Variants in GTPBP1 observed in about 807,000 individuals in gnomAD.
GTPBP1 encodes the protein GTP-binding protein 1.
Under a neutral mutation model 62.0 loss-of-function variants are expected in GTPBP1, and 23 were observed. That is an observed-to-expected ratio of 0.37 (90% CI 0.27 to 0.53). The LOEUF (loss-of-function observed/expected upper bound fraction) is 0.53, where lower values mean the gene tolerates loss of function less well. Ranked by LOEUF, GTPBP1 falls within the 20% of genes least tolerant of loss-of-function variation. The pLI, the probability that GTPBP1 is intolerant of heterozygous loss-of-function variation, is 0.89. For missense variants in GTPBP1, 640 were observed against 917.3 expected (o/e 0.70, Z 3.90); for synonymous variants, 344 against 364.4 (o/e 0.94, Z 0.64).
chr22:38,741,862 C>G (rs2092860923), downstream of GTPBP1, among the ~76,000 whole-genome samples: 1 of 152,240 alleles, frequency 6.6e-6, no homozygotes, highest in Non-Finnish European at 1.5e-5. Context: ...GTGAGGAGGC[C>G]TGGCGTGGTG....
chr22:38,734,268 GT>G, downstream of GTPBP1: 1 of 465,380 alleles, frequency 2.1e-6, no homozygotes, highest in Non-Finnish European at 4.4e-6. Context: ...GTCAGGGCCT[GT>G]TTTTCTCCTA....
intron 10 of GTPBP1, 110 bp downstream of exon 10, chr22:38,728,271 C>T: frequency 2.6e-6 from 2 of 770,186 alleles, no homozygotes; most frequent in South Asian, 1.6e-5. Flanking sequence ...GAGAGCTGGA[C>T]CCACTGAGGT....
intron 6 of GTPBP1, 75 bp from the exon 7 acceptor site, chr22:38,725,930 CT>C (rs2092724251): frequency 7.1e-7 from 1 of 1,407,998 alleles, no homozygotes; most frequent in Non-Finnish European, 1.0e-6. Flanking sequence ...GTTGCTGCCC[CT>C]GGTCTGTGTC....
chr22:38,719,281 A>T (rs2092686958), intron 4 of GTPBP1, among the ~76,000 whole-genome samples: 1 of 152,208 alleles, frequency 6.6e-6, no homozygotes, highest in East Asian at 1.9e-4. Flanking sequence ...TGCTGAGATT[A>T]TAGGCGTGAG....
chr22:38,736,716 T>G, downstream of GTPBP1: 1 of 200,020 alleles, frequency 5.0e-6, no homozygotes, highest in Non-Finnish European at 1.0e-5. Flanking sequence ...TTTTCTCCAG[T>G]GCCCATCGGG....
chr22:38,739,347 G>C, downstream of GTPBP1: 1 of 1,613,038 alleles, frequency 6.2e-7, no homozygotes, highest in Non-Finnish European at 8.5e-7. The surrounding 1 kb of genome is among the most constrained non-coding windows in gnomAD (Gnocchi z 6.7). Context: ...CGTACCTCCT[G>C]ACTCCAGGGC....
chr22:38,708,520 G>C (rs990731002), intron 1 of GTPBP1, among the ~76,000 whole-genome samples: 1 of 152,196 alleles, frequency 6.6e-6, no homozygotes, highest in Non-Finnish European at 1.5e-5. Context: ...GGAAAGCACT[G>C]CGCTTTCTAT....
chr22:38,729,326 C>T (rs890446221), intron 10 of GTPBP1, 136 bp from the exon 11 acceptor site: 3 of 605,772 alleles, frequency 5.0e-6, no homozygotes, highest in Admixed American at 3.5e-5. Flanking sequence ...AGCCTTCCTG[C>T]CATCTGCCTT....
chr22:38,729,957 A>G (rs1180798911), intron 11 of GTPBP1, among the ~76,000 whole-genome samples: 1 of 152,348 alleles, frequency 6.6e-6, no homozygotes, highest in East Asian at 1.9e-4. Flanking sequence ...TCATAGTAAG[A>G]TTAAGTATTG....
At chr22:38,717,031 C>T (rs753013791) in intron 4 of GTPBP1, 31 bp downstream of exon 4, 10 of 1,374,308 alleles carry the variant, frequency 7.3e-6, no homozygotes, top group Admixed American at 1.7e-5. Flanking sequence ...GGAGGGGAGG[C>T]GTCAGCAGGG....
chr22:38,741,032 G>T, downstream of GTPBP1: 1 of 1,598,348 alleles, frequency 6.3e-7, no homozygotes, highest in East Asian at 2.3e-5. Flanking sequence ...TTCAGCTGCT[G>T]GATGCGAGCC....
downstream of GTPBP1, chr22:38,741,569 T>C (rs750262948): frequency 6.2e-7 from 1 of 1,614,046 alleles, no homozygotes; most frequent in Non-Finnish European, 8.5e-7. Flanking sequence ...CAGACAGTTC[T>C]TCCTGTGAGA....
Position 38,726,305 on chromosome 22 carries a change from G to A in GTPBP1, c.1266G>A (p.Lys422=), listed in dbSNP as rs751439148. The A allele has an allele frequency of 2.5e-6, 4 of 1,614,088 alleles. No homozygotes were observed. The highest frequency in any genetic ancestry group is 2.5e-6 in the Non-Finnish European group (3 of 1,180,026). Residue 422 remains lysine (K), a synonymous_variant, in exon 8 of 12, where the codon AAG becomes AAA. Transcript: ENST00000216044. The surrounding 1 kb of genome is among the most constrained non-coding windows in gnomAD (Gnocchi z 4.1). ...GGACAACACTGAGAGGCCTGATCAA[G>A]CTGAATGACACGCTGCTGCTGGGCC... The part of the protein sequence containing the change: ...VSGTTLRGLI[K]LNDTLLLGPD...
intron 2 of GTPBP1, among the ~76,000 whole-genome samples, chr22:38,713,909 A>T (rs1044014758): frequency 3.9e-5 from 6 of 152,152 alleles, no homozygotes; most frequent in Non-Finnish European, 8.8e-5. Context: ...GTTAGAAATG[A>T]GTGTTTTTAT....
downstream of GTPBP1, chr22:38,741,668 G>A: frequency 8.5e-7 from 1 of 1,178,490 alleles, no homozygotes; most frequent in Non-Finnish European, 1.2e-6. Context: ...AACAAGGTCT[G>A]TTTGCTTCCA....
downstream of GTPBP1, among the ~76,000 whole-genome samples, chr22:38,742,012 C>T (rs986662746): frequency 2.0e-5 from 3 of 151,978 alleles, no homozygotes; most frequent in African/African-American, 4.8e-5. Flanking sequence ...TGGTGGTGCA[C>T]GCCTGTAATC....
chr22:38,724,433 C>T, intron 6 of GTPBP1, 22 bp downstream of exon 6: 1 of 1,393,740 alleles, frequency 7.2e-7, no homozygotes, highest in Non-Finnish European at 1.0e-6. Flanking sequence ...GGAGCGCACA[C>T]TTCAGACAGG....
downstream of GTPBP1, chr22:38,740,304 C>T: frequency 6.2e-7 from 1 of 1,603,646 alleles, no homozygotes; most frequent in Non-Finnish European, 8.5e-7. This position sits in a 1 kb window ranked among gnomAD's most constrained non-coding sequence, Gnocchi z 4.8. Context: ...GGGCAGCAGG[C>T]CCACTTCTTC....
chr22:38,723,055 A>C (rs1323924570), intron 5 of GTPBP1: 3 of 782,396 alleles, frequency 3.8e-6, no homozygotes, highest in Admixed American at 1.8e-5. Context: ...GGTCCAAACC[A>C]CCATTATTTC....
Sources: allele counts gnomAD v4.1 joint callset (sites outside exome capture counted in the v4.1 genomes callset), GRCh38; gene constraint gnomAD v4.1.1; non-coding constraint Gnocchi (gnomAD v3.1); transcripts MANE v1.5; gene names NCBI Gene and HGNC (gene_info 2026-07-23, HGNC 2026-07-21).